The following ARPC5L variants were observed in gnomAD, a reference collection of about 807,000 sequenced individuals.
ARPC5L encodes actin-related protein 2/3 complex subunit 5-like protein.
ARPC5L carries 4 observed loss-of-function variants against 16.9 expected under a neutral mutation model. The ratio of observed to expected loss-of-function variants is 0.24; its 90% CI spans 0.12 to 0.54. The LOEUF (loss-of-function observed/expected upper bound fraction) is 0.54. ARPC5L is among the 20% of genes least tolerant of loss of function. The pLI, the probability that ARPC5L is intolerant of heterozygous loss-of-function variation, is 0.95. For missense variants in ARPC5L, 151 were observed against 201.9 expected (o/e 0.75, Z 1.53); for synonymous variants, 78 against 82.6 (o/e 0.94, Z 0.30).
chr9:124,872,458 G>T (rs112556946), intron 3 of ARPC5L: 4,404 of 152,292 alleles, frequency 0.029, 229 homozygotes, highest in African/African-American at 0.098. Flanking sequence ...TTAGCTGGGC[G>T]TGCTGGCGGG....
At chr9:124,874,908 T>C in intron 4 of ARPC5L, 67 bp from the exon 5 acceptor site, 1 of 1,588,770 alleles carries the variant, frequency 6.3e-7, no homozygotes. Flanking sequence ...GTCCTTGCTT[T>C]GGTGTGGGGC....
chr9:124,876,156 C>T (rs1242682270), intron 5 of ARPC5L, among the ~76,000 whole-genome samples: 1 of 151,414 alleles, frequency 6.6e-6, no homozygotes, highest in Non-Finnish European at 1.5e-5. Flanking sequence ...AGTTCAAGAA[C>T]AGCCCAGGCA....
intron 2 of ARPC5L, among the ~76,000 whole-genome samples, chr9:124,865,996 T>C (rs1176016504): frequency 6.6e-6 from 1 of 151,970 alleles, no homozygotes; most frequent in Non-Finnish European, 1.5e-5. Flanking sequence ...TCCCAGCTAC[T>C]TGGGAGGCTG....
intron 2 of ARPC5L, among the ~76,000 whole-genome samples, chr9:124,865,315 T>TAAAAAAA (rs11414499): frequency 9.3e-6 from 1 of 107,056 alleles, no homozygotes; most frequent in Non-Finnish European, 1.8e-5. Flanking sequence ...AAACTCTGTC[T>TAAAAAAA]AAAAAAAAAA....
intron 2 of ARPC5L, among the ~76,000 whole-genome samples, chr9:124,867,141 C>CTTT (rs779385412): frequency 2.9e-5 from 4 of 137,920 alleles, no homozygotes; most frequent in African/African-American, 5.4e-5. Context: ...TCAGGGACAC[C>CTTT]TTTTTTTTTT....
intron 2 of ARPC5L, among the ~76,000 whole-genome samples, chr9:124,865,514 G>C (rs886419515): frequency 6.6e-6 from 1 of 152,134 alleles, no homozygotes; most frequent in Non-Finnish European, 1.5e-5. Flanking sequence ...TTAAGGCCGG[G>C]TGAGGTGGCT....
In ARPC5L at chr9:124,876,832, G is replaced by A. The variant is rs1554765625; in HGVS notation, c.400-46G>A. ...TCTCTGGCAAGCCAGGCTCCCCTTGGCCAGCCAGGTCTCATCTGACACGTT... is the reference window on the plus strand; with the variant it reads ...TCTCTGGCAAGCCAGGCTCCCCTTGACCAGCCAGGTCTCATCTGACACGTT... On this transcript the variant is annotated intron_variant, in intron 5 of 5. Coordinates refer to ENST00000353214, the MANE Select transcript of ARPC5L (RefSeq NM_030978.3). 5 of 1,556,888 alleles carry A rather than the reference G, an allele frequency of 3.2e-6. No individual in the cohort carries two copies. The South Asian group carries it at 4.7e-5, about 15-fold the overall frequency.
At chr9:124,864,509 G>A (rs1054717387) in intron 2 of ARPC5L, among the ~76,000 whole-genome samples, 43 of 151,894 alleles carry the variant, frequency 2.8e-4, no homozygotes, top group African/African-American at 9.9e-4. Flanking sequence ...ATACAGGCAT[G>A]CACCACCAAG....
chr9:124,876,547 A>T (rs1379808828), intron 5 of ARPC5L, among the ~76,000 whole-genome samples: 1 of 152,142 alleles, frequency 6.6e-6, no homozygotes, highest in African/African-American at 2.4e-5. Context: ...ACTCAGGAGG[A>T]TGGCTTCAAC....
chr9:124,872,887 G>A (rs1829380502), intron 3 of ARPC5L: 1 of 152,282 alleles, frequency 6.6e-6, no homozygotes, highest in African/African-American at 2.4e-5. Flanking sequence ...ACTGCATGAA[G>A]AGGAGTAGAG....
chr9:124,875,242 C>T lies in ARPC5L; in HGVS notation c.399+91C>T, dbSNP rs912772477. The T allele has an allele frequency of 4.5e-5, 65 of 1,442,482 alleles. No individual in the cohort carries two copies. In the South Asian group the frequency reaches 5.2e-4, roughly 12 times the overall value. 89.4% of individuals were successfully genotyped at this position (1,442,482 alleles called of 1,614,324 possible). A position where few individuals can be genotyped will look rare whatever the true frequency, so the allele number is the denominator to read the frequency against. ...CAGATTTTCCAGAACAAACGTAGGA[C>T]GGTCTGATAGGCGTGTGGGGTCAGA... is the stretch of plus-strand genomic sequence containing the variant. On this transcript the variant is annotated intron_variant, in intron 5 of 5. Coordinates refer to ENST00000353214, the MANE Select transcript of ARPC5L (RefSeq NM_030978.3).
intron 5 of ARPC5L, among the ~76,000 whole-genome samples, chr9:124,876,257 C>T (rs1439637608): frequency 6.6e-6 from 1 of 152,144 alleles, no homozygotes; most frequent in Non-Finnish European, 1.5e-5. Flanking sequence ...GAGACGGAGG[C>T]AGGCGGATGA....
At position 124,877,076 on chromosome 9, in the gene ARPC5L, T is replaced by TTTA; in HGVS notation, c.*139_*141dup. On this transcript the variant is annotated 3_prime_UTR_variant, in exon 6 of 6. Transcript: ENST00000353214. ...AGGACATGTATCTGCTGAAATGTATTTTATTTTCAAGGTGGAGGGGAAAAT... is the reference window on the plus strand; with the variant it reads ...AGGACATGTATCTGCTGAAATGTATTTTATTATTTTCAAGGTGGAGGGGAAAAT... The TTTA allele has an allele frequency of 1.4e-6, 1 of 697,314 alleles. No homozygotes were observed. The highest frequency in any genetic ancestry group is 2.8e-5 in the East Asian group (1 of 35,648). The allele number at this position is 697,314 out of a possible 1,614,324, so 43.2% of individuals were successfully genotyped here.
intron 3 of ARPC5L, chr9:124,872,607 A>AG (rs35602294): frequency 0.54 from 81,450 of 151,462 alleles, 22,525 homozygotes; most frequent in South Asian, 0.57. Flanking sequence ...AAAAAAAAAA[A>AG]GGAGTTACAA....
chr9:124,867,750 C>T (rs77235040), intron 2 of ARPC5L, among the ~76,000 whole-genome samples: 2,495 of 151,498 alleles, frequency 0.016, 72 homozygotes, highest in African/African-American at 0.058. Context: ...AGATATGGAA[C>T]TGTATTGCAG....
chr9:124,872,151 T>G (rs1564312526), intron 3 of ARPC5L, among the ~76,000 whole-genome samples: 1 of 152,164 alleles, frequency 6.6e-6, no homozygotes, highest in African/African-American at 2.4e-5. Flanking sequence ...TTTGCCCCCG[T>G]GGACTAGTTT....
intron 2 of ARPC5L, among the ~76,000 whole-genome samples, chr9:124,867,028 T>C (rs1829279418): frequency 6.6e-6 from 1 of 152,152 alleles, no homozygotes; most frequent in Non-Finnish European, 1.5e-5. Context: ...ATCTCTCTTC[T>C]GTTCCTGGCT....
chr9:124,873,602 ACT>A (rs1303451870), intron 3 of ARPC5L, 88 bp from the exon 4 acceptor site: 16 of 1,444,426 alleles, frequency 1.1e-5, no homozygotes, highest in South Asian at 2.3e-5. Flanking sequence ...ATCCCATCTG[ACT>A]CTGTTCCTGA....
chr9:124,877,044 C>CTAT lies in ARPC5L; in HGVS notation c.*106_*108dup. ...ATCTTCCTAGGAACTCCCAAGTAAACTATTTCAGGACATGTATCTGCTGAA... is the reference window on the plus strand; with the variant it reads ...ATCTTCCTAGGAACTCCCAAGTAAACTATTATTTCAGGACATGTATCTGCTGAA... On this transcript the variant is annotated 3_prime_UTR_variant, in exon 6 of 6. Coordinates refer to ENST00000353214, the MANE Select transcript of ARPC5L (RefSeq NM_030978.3). 1 of 852,348 alleles carries CTAT rather than the reference C, an allele frequency of 1.2e-6. No homozygotes were observed. Among genetic ancestry groups the CTAT allele is most frequent in the East Asian group, 2.7e-5 (1 of 37,720 alleles). The allele number at this position is 852,348 out of a possible 1,614,324, so 52.8% of individuals were successfully genotyped here.
Sources: gnomAD v4.1 joint callset for allele counts (sites outside exome capture counted in the v4.1 genomes callset) on GRCh38, gnomAD v4.1.1 for gene constraint, MANE v1.5 for transcripts, NCBI Gene and HGNC (gene_info 2026-07-23, HGNC 2026-07-21) for gene names.